The following IL1RAP variants were observed in gnomAD, a reference collection of about 807,000 sequenced individuals.
IL1RAP encodes interleukin 1 receptor accessory protein.
In IL1RAP, 35 loss-of-function variants were observed where a neutral mutation model predicts 60.7. That is an observed-to-expected ratio of 0.58 (90% CI 0.44 to 0.76). The LOEUF is 0.76. IL1RAP is among the 30% of genes least tolerant of loss of function. The pLI is 0.00. For synonymous variants in IL1RAP, 268 were observed against 250.9 expected (o/e 1.07, Z -0.64); for missense variants, 572 against 693.9 (o/e 0.82, Z 1.97).
At chr3:190,635,399 CT>C in intron 9 of IL1RAP, among the ~76,000 whole-genome samples, 1 of 152,012 alleles carries the variant, frequency 6.6e-6, no homozygotes, top group Non-Finnish European at 1.5e-5. Context: ...ATACTTTGCA[CT>C]TCATTTTCTT....
At chr3:190,553,943 C>T (rs1267300282) in intron 1 of IL1RAP, among the ~76,000 whole-genome samples, 3 of 150,470 alleles carry the variant, frequency 2.0e-5, no homozygotes, top group Non-Finnish European at 4.5e-5. Context: ...CGCCTGTAGT[C>T]CCAGCTACTC....
At chr3:190,620,896 ACT>A (rs1731721252) in intron 6 of IL1RAP, among the ~76,000 whole-genome samples, 1 of 152,140 alleles carries the variant, frequency 6.6e-6, no homozygotes, top group Non-Finnish European at 1.5e-5. Context: ...GATTAAGTAA[ACT>A]CTATTTTTCT....
At chr3:190,566,663 G>C (rs564000371) in intron 3 of IL1RAP, among the ~76,000 whole-genome samples, 1 of 152,254 alleles carries the variant, frequency 6.6e-6, no homozygotes, top group East Asian at 1.9e-4. Context: ...CATCTGGCAC[G>C]TACTCATTTG....
chr3:190,586,420 G>A (rs1728468567), intron 3 of IL1RAP, among the ~76,000 whole-genome samples: 1 of 152,198 alleles, frequency 6.6e-6, no homozygotes, highest in African/African-American at 2.4e-5. Flanking sequence ...AGACAGAAGA[G>A]GTGTCTCAGT....
chr3:190,637,517 TC>T (rs1733318030), intron 9 of IL1RAP, among the ~76,000 whole-genome samples: 1 of 152,158 alleles, frequency 6.6e-6, no homozygotes, highest in African/African-American at 2.4e-5. Flanking sequence ...CATCTTATTT[TC>T]TGATACATTT....
intron 1 of IL1RAP, among the ~76,000 whole-genome samples, chr3:190,548,016 C>T (rs1724534866): frequency 6.6e-6 from 1 of 152,040 alleles, no homozygotes; most frequent in Admixed American, 6.6e-5. Context: ...TTCTATTGAG[C>T]CAATCATTTT....
intron 3 of IL1RAP, among the ~76,000 whole-genome samples, chr3:190,590,803 T>G (rs1331763951): frequency 6.6e-6 from 1 of 152,168 alleles, no homozygotes; most frequent in African/African-American, 2.4e-5. Flanking sequence ...TGAAGAGGAG[T>G]GTACTGTTGT....
intron 1 of IL1RAP, among the ~76,000 whole-genome samples, chr3:190,530,617 G>T (rs979295259): frequency 1.3e-5 from 2 of 152,162 alleles, no homozygotes; most frequent in Non-Finnish European, 2.9e-5. Flanking sequence ...TGATAAGTTT[G>T]CTTCTAGTAG....
intron 3 of IL1RAP, among the ~76,000 whole-genome samples, chr3:190,571,681 T>G (rs370400455): frequency 9.2e-5 from 14 of 152,224 alleles, no homozygotes; most frequent in African/African-American, 3.4e-4. Flanking sequence ...TTACCTAACA[T>G]AGTTACCATT....
intron 1 of IL1RAP, among the ~76,000 whole-genome samples, chr3:190,519,954 C>G (rs1019624223): frequency 6.6e-6 from 1 of 152,042 alleles, no homozygotes; most frequent in Non-Finnish European, 1.5e-5. Flanking sequence ...ATATTAAGCC[C>G]CTGGCTCTTA....
chr3:190,542,667 T>A (rs1724033971), intron 1 of IL1RAP, among the ~76,000 whole-genome samples: 1 of 152,232 alleles, frequency 6.6e-6, no homozygotes, highest in Non-Finnish European at 1.5e-5. Context: ...GATTCCTGAT[T>A]GTATCTTCTT....
At chr3:190,633,049 T>C (rs952250433) in intron 9 of IL1RAP, among the ~76,000 whole-genome samples, 1 of 148,872 alleles carries the variant, frequency 6.7e-6, no homozygotes, top group African/African-American at 2.5e-5. Flanking sequence ...TTTTTCTTTT[T>C]GAAGATTGAT....
intron 3 of IL1RAP, among the ~76,000 whole-genome samples, chr3:190,592,804 TCATC>T (rs752654397): frequency 2.7e-4 from 41 of 152,364 alleles, no homozygotes; most frequent in Admixed American, 1.6e-3. Context: ...TTGGTTGTTT[TCATC>T]CGTCAGGGTT....
intron 4 of IL1RAP, 81 bp downstream of exon 4, chr3:190,604,494 C>G: frequency 2.1e-6 from 3 of 1,416,904 alleles, no homozygotes; most frequent in Non-Finnish European, 2.9e-6. Context: ...TGCTAGGAAG[C>G]TGGGGAGAAG....
intron 1 of IL1RAP, among the ~76,000 whole-genome samples, chr3:190,514,685 C>T (rs576466402): frequency 2.0e-5 from 3 of 152,324 alleles, no homozygotes; most frequent in Non-Finnish European, 4.4e-5. Context: ...GAAAATGCTG[C>T]TTGCAGCCTC....
intron 1 of IL1RAP, among the ~76,000 whole-genome samples, chr3:190,514,860 T>G (rs1721371336): frequency 6.6e-6 from 1 of 151,946 alleles, no homozygotes; most frequent in South Asian, 2.1e-4. Flanking sequence ...AGTGGCCCTG[T>G]GGGGCACAGG....
intron 1 of IL1RAP, among the ~76,000 whole-genome samples, chr3:190,544,659 C>T (rs971681726): frequency 1.3e-5 from 2 of 152,142 alleles, no homozygotes; most frequent in African/African-American, 4.8e-5. Context: ...CTTCATTCAG[C>T]ATTTCCAAAC....
At chr3:190,565,877 A>G (rs1006764420) in intron 3 of IL1RAP, among the ~76,000 whole-genome samples, 4 of 152,164 alleles carry the variant, frequency 2.6e-5, no homozygotes, top group Non-Finnish European at 4.4e-5. Flanking sequence ...AATCCCTACC[A>G]GTCACTCTCT....
intron 3 of IL1RAP, among the ~76,000 whole-genome samples, chr3:190,595,573 A>G (rs1012469027): frequency 6.6e-6 from 1 of 152,294 alleles, no homozygotes; most frequent in East Asian, 1.9e-4. Context: ...AACTACCAAA[A>G]TTAACGTCAA....
Sources: allele counts gnomAD v4.1 joint callset (sites outside exome capture counted in the v4.1 genomes callset), GRCh38; gene constraint gnomAD v4.1.1; transcripts MANE v1.5; gene names NCBI Gene and HGNC (gene_info 2026-07-23, HGNC 2026-07-21).